KLHL33: variants seen among roughly 807,000 people sequenced by gnomAD.
KLHL33 encodes the protein kelch-like protein 33.
A neutral mutation model predicts 60.8 loss-of-function variants in KLHL33; 46 were observed. That is an observed-to-expected ratio of 0.76 (90% CI 0.60 to 0.97). The LOEUF is 0.97. Among genes scored for constraint, KLHL33 ranks in the 50% least tolerant of loss-of-function variants. KLHL33 has a pLI of 0.00. For synonymous variants in KLHL33, 434 were observed against 432.2 expected (o/e 1.00, Z -0.05); for missense variants, 1,055 against 1,000.0 (o/e 1.05, Z -0.74).
At chr14:20,431,668 A>G (rs1223849241) in intron 2 of KLHL33, among the ~76,000 whole-genome samples, 1 of 152,250 alleles carries the variant, frequency 6.6e-6, no homozygotes, top group Non-Finnish European at 1.5e-5. Context: ...CGAGGGTTGC[A>G]ATGAGCTGAG....
At chr14:20,431,449 G>A (rs2139269513) in intron 2 of KLHL33, among the ~76,000 whole-genome samples, 1 of 152,324 alleles carries the variant, frequency 6.6e-6, no homozygotes, top group South Asian at 2.1e-4. Flanking sequence ...GAAACTGGTT[G>A]GGTGTCGTGG....
chr14:20,431,712 C>T (rs1006254987), intron 2 of KLHL33, among the ~76,000 whole-genome samples: 2 of 152,104 alleles, frequency 1.3e-5, no homozygotes, highest in African/African-American at 4.8e-5. Flanking sequence ...GGTGACAGAG[C>T]GAGACTCCAT....
In KLHL33 at chr14:20,429,334, C is replaced by G. The variant is rs924978478; in HGVS notation, c.1909G>C (p.Val637Leu). Residue 637 changes from valine (V) to leucine (L), a missense_variant, in exon 5 of 5, where the codon GTG (valine) becomes CTG (leucine). Val to Leu is a conservative substitution (Grantham distance 32, BLOSUM62 1). Coordinates refer to ENST00000636854, the MANE Select transcript of KLHL33 (RefSeq NM_001365790.2). The stretch of plus-strand genomic sequence containing the variant: ...CCAGTCCCACCACAGCCACCGCTCA[C>G]GTACAACTGGCCCTCCAAAATCGCA... ...AAAILEGQLY[V>L]SGGCGGTGQY... is the part of the protein sequence containing the mutation. The G allele has an allele frequency of 5.8e-6, 9 of 1,551,634 alleles. No homozygotes were observed. In the East Asian group the frequency reaches 7.3e-5, roughly 13 times the overall value.
At chr14:20,433,176 A>G (rs1343122396) in intron 2 of KLHL33, among the ~76,000 whole-genome samples, 1 of 152,252 alleles carries the variant, frequency 6.6e-6, no homozygotes, top group Non-Finnish European at 1.5e-5. Flanking sequence ...AAATAAAATG[A>G]ACAGATGAAA....
chr14:20,430,167 C>T lies in KLHL33; in HGVS notation c.1301G>A (p.Arg434Lys). Residue 434 changes from arginine (R) to lysine (K), a missense_variant, in exon 3 of 5, where the codon AGG becomes AAG. Physicochemically the swap from Arg to Lys is conservative, Grantham distance 26. Coordinates refer to ENST00000636854, the MANE Select transcript of KLHL33 (RefSeq NM_001365790.2). Reference sequence around the variant, plus strand: ...GGCTGCCCGCACCCTCCGCAACTCCCTGGTGGACATGCGGCCAAAGCGGAC... The same window carrying T: ...GGCTGCCCGCACCCTCCGCAACTCCTTGGTGGACATGCGGCCAAAGCGGAC... The part of the protein sequence containing the change: ...RCVRFGRMST[R>K]ELRRVRAAGL... 1 of 1,551,568 alleles carries T rather than the reference C, an allele frequency of 6.4e-7. No individual in the cohort carries two copies. Among genetic ancestry groups the T allele is most frequent in the Non-Finnish European group, 8.7e-7 (1 of 1,146,982 alleles).
chr14:20,426,223 C>T lies in KLHL33; in HGVS notation c.*2626G>A, dbSNP rs982107391. 13 of 152,198 alleles carry T rather than the reference C, an allele frequency of 8.5e-5. No individual in the cohort carries two copies. The Middle Eastern group carries it at 0.014, about 159-fold the overall frequency. 9.4% of individuals were successfully genotyped at this position (152,198 alleles called of 1,614,324 possible). ...TAATAGAAAACTGACCTACACAGGC[C>T]GGGCATTGTGGCTCACGCCTGTAAT... On this transcript the variant is annotated 3_prime_UTR_variant, in exon 5 of 5. Transcript: ENST00000636854.
Position 20,428,382 on chromosome 14 carries a change from A to G in KLHL33, c.*467T>C, listed in dbSNP as rs1880361541. Reference sequence around the variant, plus strand: ...TCCCAGGGGTGGGAGAGGAGAAAGGAGCAAGTTCCAGGAAAAAAAGGGCTG... The same window carrying G: ...TCCCAGGGGTGGGAGAGGAGAAAGGGGCAAGTTCCAGGAAAAAAAGGGCTG... On this transcript the variant is annotated 3_prime_UTR_variant, in exon 5 of 5. Transcript: ENST00000636854. The G allele has an allele frequency of 6.4e-6, 1 of 155,218 alleles. No homozygotes were observed. Among genetic ancestry groups the G allele is most frequent in the Non-Finnish European group, 1.4e-5 (1 of 70,084 alleles). 9.6% of individuals were successfully genotyped at this position (155,218 alleles called of 1,614,324 possible). A position where few individuals can be genotyped will look rare whatever the true frequency, so the allele number is the denominator to read the frequency against.
chr14:20,429,104 TGCCAGGTGAGTCCA>T lies in KLHL33; in HGVS notation c.2125_2138del (p.Trp709ThrfsTer57), dbSNP rs1566498764. ...CCCCCACATGGGGGGAGGGTAGGGG[TGCCAGGTGAGTCCA>T]GCTATCAGTCCTTAGTTCATAGGCC... On this transcript the variant is annotated frameshift_variant, in exon 5 of 5. Coordinates refer to ENST00000636854, the MANE Select transcript of KLHL33 (RefSeq NM_001365790.2). LOFTEE classifies it high-confidence loss of function. The T allele has an allele frequency of 3.0e-5, 46 of 1,551,588 alleles. No homozygotes were observed. The highest frequency in any genetic ancestry group is 4.0e-5 in the Non-Finnish European group (46 of 1,146,966).
At chr14:20,432,541 C>T (rs927278574) in intron 2 of KLHL33, among the ~76,000 whole-genome samples, 2 of 151,568 alleles carry the variant, frequency 1.3e-5, no homozygotes, top group African/African-American at 4.9e-5. Context: ...ATAGCATAGT[C>T]CTTGATTAAT....
rs1880399814 is a variant in KLHL33, at chr14:20,429,198, C to T, written c.2045G>A (p.Gly682Glu). 6.4e-7 allele frequency: 1 copy of T among 1,551,488 alleles called. No individual in the cohort carries two copies. The highest frequency in any genetic ancestry group is 2.0e-5 in the Admixed American group (1 of 50,966). The change falls in exon 5 of 5, where the codon GGG becomes GAG. Residue 682 changes from glycine (G) to glutamate (E), a missense_variant. Transcript: ENST00000636854. ...RAGHVMAALG[G>E]RLYVAGGLGE... Reference sequence around the variant, plus strand: ...CAGCCCACCTGCCACATACAACCTCCCACCCAATGCAGCCATGACATGGCC... The same window carrying T: ...CAGCCCACCTGCCACATACAACCTCTCACCCAATGCAGCCATGACATGGCC...
Position 20,430,551 on chromosome 14 carries a change from C to A in KLHL33, c.917G>T (p.Gly306Val). The part of the protein sequence containing the change: ...YSGVVRARWP[G>V]LLRAAQAALQ... ...AGCAGCCTGGGCAGCTCTCAGTAGC[C>A]CTGGCCACCTTGCCCGCACAACTCC... is the stretch of plus-strand genomic sequence containing the variant. The change falls in exon 3 of 5, where the codon GGG becomes GTG. Residue 306 changes from glycine to valine, a missense_variant. Physicochemically the swap from Gly to Val is moderately radical, Grantham distance 109 (BLOSUM62 -3). Transcript: ENST00000636854. 1 of 1,541,620 alleles carries A rather than the reference C, an allele frequency of 6.5e-7. No individual in the cohort carries two copies. Among genetic ancestry groups the A allele is most frequent in the Non-Finnish European group, 8.7e-7 (1 of 1,147,000 alleles).
intron 4 of KLHL33, 27 bp downstream of exon 4, chr14:20,429,475 C>T (rs1323199455): frequency 1.3e-6 from 2 of 1,551,732 alleles, no homozygotes; most frequent in Non-Finnish European, 1.7e-6. Context: ...CTCCTAATCT[C>T]TCCCAGATGC....
At chr14:20,432,958 GAA>G (rs1046812190) in intron 2 of KLHL33, among the ~76,000 whole-genome samples, 1 of 150,820 alleles carries the variant, frequency 6.6e-6, no homozygotes, top group African/African-American at 2.4e-5. Flanking sequence ...AAGAAAGAAA[GAA>G]AGAAAGAAAG....
intron 2 of KLHL33, among the ~76,000 whole-genome samples, chr14:20,431,684 G>T (rs143205559): frequency 2.0e-5 from 3 of 152,200 alleles, no homozygotes; most frequent in African/African-American, 7.2e-5. Context: ...CTGAGACTGC[G>T]CCGCTGCACC....
chr14:20,427,538 C>T lies in KLHL33; in HGVS notation c.*1311G>A, dbSNP rs555026156. 5.4e-4 allele frequency: 83 copies of T among 152,336 alleles called. 1 individual carries two copies. The highest frequency in any genetic ancestry group is 1.8e-3 in the African/African-American group (76 of 41,580). The allele number at this position is 152,336 out of a possible 1,614,324, so 9.4% of individuals were successfully genotyped here. On this transcript the variant is annotated 3_prime_UTR_variant, in exon 5 of 5. Transcript: ENST00000636854. The stretch of plus-strand genomic sequence containing the variant: ...CTCTAATGGGTGAGACTCTAGGCAG[C>T]CTTTAAGATCCAGTTCAAAATACAC...
At position 20,429,382 on chromosome 14, in the gene KLHL33, C is replaced by T. The variant is rs1880410175; in HGVS notation, c.1861G>A (p.Ala621Thr). The T allele has an allele frequency of 6.4e-7, 1 of 1,551,766 alleles. No individual in the cohort carries two copies. The highest frequency in any genetic ancestry group is 8.7e-7 in the Non-Finnish European group (1 of 1,146,978). ...GCAGCTGCGTGGGCAAAACATGGTGCTGGAAGTGCAGGTGCTGGCCTAAGG... is the reference window on the plus strand; with the variant it reads ...GCAGCTGCGTGGGCAAAACATGGTGTTGGAAGTGCAGGTGCTGGCCTAAGG... ...NVWRPAPALP[A>T]PCFAHAAAIL... The change falls in exon 5 of 5, where the codon GCA (alanine) becomes ACA (threonine). Residue 621 changes from alanine (A) to threonine (T), a missense_variant. Coordinates refer to ENST00000636854, the MANE Select transcript of KLHL33 (RefSeq NM_001365790.2).
intron 2 of KLHL33, among the ~76,000 whole-genome samples, chr14:20,432,739 T>C (rs1594399593): frequency 6.6e-6 from 1 of 151,820 alleles, no homozygotes; most frequent in Admixed American, 6.6e-5. Flanking sequence ...CCAGCCAACA[T>C]GGTGAAACCC....
intron 2 of KLHL33, among the ~76,000 whole-genome samples, chr14:20,431,877 A>G (rs774585904): frequency 1.3e-5 from 2 of 152,210 alleles, no homozygotes; most frequent in Non-Finnish European, 2.9e-5. Flanking sequence ...TTGTGTACCA[A>G]TACCTTGGTT....
rs1461043867 is a variant in KLHL33, at chr14:20,429,049, G to A, written c.2194C>T (p.Leu732=). ...AASAVLQGEL[L]VLGGYSHRTY... is the part of the protein sequence containing the mutation. The stretch of plus-strand genomic sequence containing the variant: ...CGGTGACTGTAGCCCCCGAGCACCA[G>A]TAGCTCCCCCTGCAGCACAGCACTT... Residue 732 remains leucine (L), a synonymous_variant, in exon 5 of 5, where the codon CTG becomes TTG. Transcript: ENST00000636854. The A allele has an allele frequency of 3.2e-6, 5 of 1,551,730 alleles. No individual in the cohort carries two copies. The highest frequency in any genetic ancestry group is 4.4e-6 in the Non-Finnish European group (5 of 1,146,988).
Sources: gnomAD v4.1 joint callset for allele counts (sites outside exome capture counted in the v4.1 genomes callset) on GRCh38, gnomAD v4.1.1 for gene constraint, MANE v1.5 for transcripts, NCBI Gene and HGNC (gene_info 2026-07-23, HGNC 2026-07-21) for gene names.